VPS13D: variants seen among roughly 807,000 people sequenced by gnomAD.
VPS13D encodes vacuolar protein sorting 13 homolog D, also known as intermembrane lipid transfer protein VPS13D.
VPS13D carries 187 observed loss-of-function variants against 461.9 expected under a neutral mutation model. The observed-to-expected ratio is 0.40, with a 90% confidence interval of 0.36 to 0.46. VPS13D has a LOEUF of 0.46. Among genes scored for constraint, VPS13D ranks in the 20% least tolerant of loss-of-function variants. VPS13D has a pLI of 0.60. For missense variants in VPS13D, 4,711 were observed against 5,364.9 expected, an observed-to-expected ratio of 0.88 and a Z score of 3.81; for synonymous variants, 1,951 against 1,986.3, an observed-to-expected ratio of 0.98 and a Z score of 0.47.
chr1:12,336,664 A>C (rs912612448), intron 39 of VPS13D: 2 of 152,204 alleles, frequency 1.3e-5, no homozygotes, highest in African/African-American at 4.8e-5. Flanking sequence ...CCTCAGGGTG[A>C]ATAAGTGGAC....
chr1:12,425,445 G>A (rs1644913021), intron 65 of VPS13D, among the ~76,000 whole-genome samples: 1 of 152,020 alleles, frequency 6.6e-6, no homozygotes, highest in Non-Finnish European at 1.5e-5. Context: ...TGTAATCCCA[G>A]CTATTCAGGA....
chr1:12,342,795 T>C, intron 41 of VPS13D, 104 bp from the exon 42 acceptor site: 1 of 1,349,392 alleles, frequency 7.4e-7, no homozygotes, highest in Non-Finnish European at 9.9e-7. Context: ...CTTTTATTGC[T>C]GGGAATTGAG....
At chr1:12,476,486 A>G (rs1042168497) in intron 67 of VPS13D, among the ~76,000 whole-genome samples, 2 of 152,234 alleles carry the variant, frequency 1.3e-5, no homozygotes, top group Non-Finnish European at 1.5e-5. Context: ...ACGTGTATTA[A>G]TGTAACCTGC....
chr1:12,480,002 A>G (rs550733738), intron 67 of VPS13D, among the ~76,000 whole-genome samples: 55 of 152,272 alleles, frequency 3.6e-4, no homozygotes, highest in African/African-American at 1.3e-3. Context: ...TTTGGGCCAA[A>G]CAGCAGTGGG....
At chr1:12,283,806 C>A in intron 21 of VPS13D, 70 bp downstream of exon 21, 1 of 1,426,582 alleles carries the variant, frequency 7.0e-7, no homozygotes, top group Non-Finnish European at 9.4e-7. Flanking sequence ...TAAATACAAG[C>A]ACTTTACATT....
At chr1:12,322,415 G>A (rs1314032666) in intron 33 of VPS13D, 121 bp from the exon 34 acceptor site, 4 of 946,578 alleles carry the variant, frequency 4.2e-6, no homozygotes, top group Non-Finnish European at 6.3e-6. Context: ...TTTTAAATGA[G>A]AAATTTGGTG....
chr1:12,294,527 C>T (rs1228275725), intron 24 of VPS13D, among the ~76,000 whole-genome samples: 3 of 152,140 alleles, frequency 2.0e-5, no homozygotes, highest in Non-Finnish European at 4.4e-5. Context: ...TTAAAATGTC[C>T]TGGCAGCCGG....
At position 12,253,382 on chromosome 1, in the gene VPS13D, G is replaced by A. The variant is rs1569687384; in HGVS notation, c.565-340G>A. Among the ~76,000 whole-genome samples the A allele has an allele frequency of 2.6e-5, 4 of 152,216 alleles. No individual in the cohort carries two copies. The Middle Eastern group carries it at 0.01, about 388-fold the overall frequency. On this transcript the variant is annotated intron_variant, in intron 6 of 69. Coordinates refer to ENST00000620676, the MANE Select transcript of VPS13D (RefSeq NM_015378.4). Reference sequence around the variant, plus strand: ...GCTGATACTGAGGGAGGACTGTATGGTTGACCCAGCCCTTTCCTCCTACCC... The same window carrying A: ...GCTGATACTGAGGGAGGACTGTATGATTGACCCAGCCCTTTCCTCCTACCC...
At chr1:12,355,687 G>C (rs954713440) in intron 47 of VPS13D, among the ~76,000 whole-genome samples, 3 of 151,968 alleles carry the variant, frequency 2.0e-5, no homozygotes, top group Admixed American at 6.6e-5. Flanking sequence ...ATATGATTAT[G>C]CAATTTAGGC....
At chr1:12,386,812 C>T (rs755247308) in intron 60 of VPS13D, among the ~76,000 whole-genome samples, 1 of 152,208 alleles carries the variant, frequency 6.6e-6, no homozygotes, top group Non-Finnish European at 1.5e-5. Flanking sequence ...AGTGCTTTGA[C>T]AGGTGGGAAA....
At chr1:12,478,053 A>G (rs1211338280) in intron 67 of VPS13D, among the ~76,000 whole-genome samples, 3 of 152,226 alleles carry the variant, frequency 2.0e-5, no homozygotes, top group African/African-American at 7.2e-5. Flanking sequence ...TTTTGTGAGA[A>G]CAAAGTGAAA....
At chr1:12,410,402 G>T (rs528404002) in intron 63 of VPS13D, among the ~76,000 whole-genome samples, 2 of 152,228 alleles carry the variant, frequency 1.3e-5, no homozygotes, top group African/African-American at 4.8e-5. Flanking sequence ...CCCAAACCCT[G>T]GTTGATTTAG....
intron 63 of VPS13D, among the ~76,000 whole-genome samples, chr1:12,408,979 C>T (rs1644689666): frequency 6.6e-6 from 1 of 152,074 alleles, no homozygotes; most frequent in Admixed American, 6.5e-5. Flanking sequence ...TTCTGTCAGG[C>T]CTTTTATCTC....
At chr1:12,457,438 G>A (rs534742259) in intron 66 of VPS13D, among the ~76,000 whole-genome samples, 4 of 152,310 alleles carry the variant, frequency 2.6e-5, no homozygotes, top group African/African-American at 9.6e-5. Flanking sequence ...GTGTACATCT[G>A]ATAGATTGAG....
At chr1:12,330,347 G>A (rs1204943428) in intron 37 of VPS13D, among the ~76,000 whole-genome samples, 5 of 152,082 alleles carry the variant, frequency 3.3e-5, no homozygotes, top group East Asian at 3.9e-4. Flanking sequence ...CCCGGCAGGC[G>A]GAGGTTGCAG....
At chr1:12,434,755 A>G (rs1391717662) in intron 65 of VPS13D, among the ~76,000 whole-genome samples, 3 of 152,358 alleles carry the variant, frequency 2.0e-5, no homozygotes, top group African/African-American at 7.2e-5. Flanking sequence ...TACATTCCAC[A>G]TAAGCTTGTC....
In VPS13D at chr1:12,373,839, G is replaced by C. The variant is rs200207604; in HGVS notation, c.10898G>C (p.Arg3633Thr). 1.2e-6 allele frequency: 2 copies of C among 1,606,602 alleles called. No homozygotes were observed. The highest frequency in any genetic ancestry group is 2.3e-5 in the East Asian group (1 of 43,898). Reference sequence around the variant, plus strand: ...TTGGATGTCTCACCCAAGACACAAAGAGTCATTTTAAAAAAGAAGGTAAGA... The same window carrying C: ...TTGGATGTCTCACCCAAGACACAAACAGTCATTTTAAAAAAGAAGGTAAGA... ...LVLDVSPKTQRVILKKKEPGK... is the reference protein window; with the variant it reads ...LVLDVSPKTQTVILKKKEPGK... Residue 3633 changes from arginine to threonine, a missense_variant, in exon 55 of 70, where the codon AGA (arginine) becomes ACA (threonine). By Grantham distance (71) the Arg-to-Thr change is moderately conservative. Around this residue, in one of 3 missense-constraint regions of VPS13D, gnomAD observed 4,411 missense variants for 4,937.8 expected, o/e 0.89. Coordinates refer to ENST00000620676, the MANE Select transcript of VPS13D (RefSeq NM_015378.4).
intron 3 of VPS13D, 86 bp from the exon 4 acceptor site, chr1:12,244,160 C>T (rs929653795): frequency 1.5e-5 from 22 of 1,421,410 alleles, no homozygotes; most frequent in Admixed American, 1.2e-4. Flanking sequence ...ATCCATGCTC[C>T]TTAAACAAAA....
At chr1:12,508,721 C>A (rs1646146566) in intron 69 of VPS13D, among the ~76,000 whole-genome samples, 172 bp from the exon 70 acceptor site, 1 of 151,924 alleles carries the variant, frequency 6.6e-6, no homozygotes, top group Non-Finnish European at 1.5e-5. Flanking sequence ...CAGGGACCCA[C>A]CCCAGACTTG....
Sources: allele counts gnomAD v4.1 joint callset (sites outside exome capture counted in the v4.1 genomes callset), GRCh38; gene constraint gnomAD v4.1.1; regional missense constraint gnomAD v4.1.1; transcripts MANE v1.5; gene names NCBI Gene and HGNC (gene_info 2026-07-23, HGNC 2026-07-21).